The following ASH2L variants were observed in gnomAD, a reference collection of about 807,000 sequenced individuals.
The protein encoded by ASH2L is ASH2 like, histone lysine methyltransferase complex subunit, also known as set1/Ash2 histone methyltransferase complex subunit ASH2.
A neutral mutation model predicts 81.1 loss-of-function variants in ASH2L; 30 were observed. The ratio of observed to expected loss-of-function variants is 0.37; its 90% CI spans 0.28 to 0.50. The LOEUF (loss-of-function observed/expected upper bound fraction) is 0.50, where lower values mean the gene tolerates loss of function less well. Ranked by LOEUF, ASH2L falls within the 20% of genes least tolerant of loss-of-function variation. The pLI is 0.95. For synonymous variants in ASH2L, 273 were observed against 279.9 expected (o/e 0.98, Z 0.24); for missense variants, 559 against 792.1 (o/e 0.71, Z 3.53).
intron 14 of ASH2L, chr8:38,137,770 T>C (rs1396402874): frequency 6.6e-6 from 1 of 151,118 alleles, no homozygotes; most frequent in Non-Finnish European, 1.5e-5. Flanking sequence ...TCCATGTACT[T>C]TTAGTCTGTC....
intron 5 of ASH2L, 52 bp from the exon 6 acceptor site, chr8:38,114,140 C>T (rs76402374): frequency 0.014 from 14,775 of 1,084,558 alleles, 143 homozygotes; most frequent in South Asian, 0.029. Flanking sequence ...CTTTCTTTGT[C>T]AGCATATCTT....
At chr8:38,130,371 G>T (rs2130562373) in intron 12 of ASH2L, among the ~76,000 whole-genome samples, 1 of 148,916 alleles carries the variant, frequency 6.7e-6, no homozygotes, top group Non-Finnish European at 1.5e-5. Context: ...CTCCCAAAGT[G>T]CTAGGATTAC....
intron 10 of ASH2L, among the ~76,000 whole-genome samples, chr8:38,123,582 G>A (rs1363808533): frequency 6.6e-6 from 1 of 152,144 alleles, no homozygotes; most frequent in Non-Finnish European, 1.5e-5. Flanking sequence ...ATGCCATTTT[G>A]GATTCTCCCA....
Position 38,128,885 on chromosome 8 carries a change from A to G in ASH2L, c.1461A>G (p.Gly487=). 1.9e-6 allele frequency: 3 copies of G among 1,614,080 alleles called. No individual in the cohort carries two copies. The highest frequency in any genetic ancestry group is 2.5e-6 in the Non-Finnish European group (3 of 1,180,012). Reference sequence around the variant, plus strand: ...GCTATGGACAGGGAGACGTCCTGGGATTTTATATTAATCTTCCTGAAGACA... The same window carrying G: ...GCTATGGACAGGGAGACGTCCTGGGGTTTTATATTAATCTTCCTGAAGACA... The part of the protein sequence containing the change: ...SSGYGQGDVL[G]FYINLPEDTE... Residue 487 remains glycine (G), a synonymous_variant, in exon 12 of 16, where the codon GGA becomes GGG. Transcript: ENST00000343823.
intron 1 of ASH2L, 159 bp downstream of exon 1, chr8:38,105,897 A>G (rs1810404392): frequency 2.1e-6 from 3 of 1,457,758 alleles, no homozygotes; most frequent in Admixed American, 5.1e-5. Context: ...CCTCTCAAGC[A>G]TATCTCGGAT....
At chr8:38,113,511 G>A (rs546768719) in intron 5 of ASH2L, among the ~76,000 whole-genome samples, 44 of 152,226 alleles carry the variant, frequency 2.9e-4, no homozygotes, top group African/African-American at 1.0e-3. Flanking sequence ...CTAAATAGGA[G>A]GCCAGAAGAT....
At chr8:38,112,730 G>A (rs1230730248) in intron 5 of ASH2L, among the ~76,000 whole-genome samples, 3 of 152,154 alleles carry the variant, frequency 2.0e-5, no homozygotes, top group African/African-American at 7.2e-5. Context: ...TAATCCTTAA[G>A]CCATACATGG....
chr8:38,124,077 G>T (rs1801736531), intron 10 of ASH2L: 1 of 152,186 alleles, frequency 6.6e-6, no homozygotes, highest in Non-Finnish European at 1.5e-5. Flanking sequence ...CTGAGCTCAG[G>T]TGATCTGCCC....
At chr8:38,128,551 G>C in intron 11 of ASH2L, 93 bp downstream of exon 11, 1 of 1,516,550 alleles carries the variant, frequency 6.6e-7, no homozygotes, top group Non-Finnish European at 8.8e-7. Context: ...GGGTTTACCA[G>C]ATTGTGGGCA....
chr8:38,133,055 C>G (rs1802121381), intron 12 of ASH2L, among the ~76,000 whole-genome samples: 2 of 151,616 alleles, frequency 1.3e-5, no homozygotes, highest in Admixed American at 6.6e-5. Context: ...CCATTGCACT[C>G]CAGCCTGGGC....
Position 38,107,896 on chromosome 8 carries a change from GTGTGTGTGTA to G in ASH2L, c.401+732_401+741del, listed in dbSNP as rs1383416362. 1.0e-3 allele frequency among the ~76,000 whole-genome samples: 147 copies of G among 146,572 alleles called. 1 individual carries two copies. Among genetic ancestry groups the G allele is most frequent in the African/African-American group, 3.4e-3 (128 of 37,540 alleles). On this transcript the variant is annotated intron_variant, in intron 3 of 15. Coordinates refer to ENST00000343823, the MANE Select transcript of ASH2L (RefSeq NM_004674.5). ...TGTGTGTGTGTGTGTGTGTGTGTGT[GTGTGTGTGTA>G]TATGTATATATATATACATATATAT...
At chr8:38,120,618 T>TCCCCCCCCCCCCCCCCCCCCC (rs33928804) in intron 9 of ASH2L, among the ~76,000 whole-genome samples, 1 of 4,582 alleles carries the variant, frequency 2.2e-4, no homozygotes, top group Non-Finnish European at 1.7e-3. Context: ...TCTCCTCCCT[T>TCCCCCCCCCCCCCCCCCCCCC]CCCCCCCCCC....
At chr8:38,106,942 C>T (rs1810460250) in intron 2 of ASH2L, 79 bp from the exon 3 acceptor site, 1 of 1,538,508 alleles carries the variant, frequency 6.5e-7, no homozygotes, top group African/African-American at 1.4e-5. Context: ...CATAGGGAGA[C>T]CCCCGTCTCT....
chr8:38,107,404 A>G (rs557519985), intron 3 of ASH2L, among the ~76,000 whole-genome samples: 23 of 152,216 alleles, frequency 1.5e-4, no homozygotes, highest in Non-Finnish European at 2.6e-4. Context: ...TGAGTTGACA[A>G]CCTGGTTTGG....
chr8:38,112,737 A>T (rs950440348), intron 5 of ASH2L, among the ~76,000 whole-genome samples: 1 of 152,204 alleles, frequency 6.6e-6, no homozygotes, highest in Non-Finnish European at 1.5e-5. Context: ...TAAGCCATAC[A>T]TGGAGATTAT....
At chr8:38,137,024 T>C (rs1377993286) in intron 14 of ASH2L, among the ~76,000 whole-genome samples, 1 of 144,322 alleles carries the variant, frequency 6.9e-6, no homozygotes, top group Non-Finnish European at 1.5e-5. Flanking sequence ...ACCCGGGAGA[T>C]GGAGGCTGCA....
At chr8:38,136,878 G>A (rs1195286976) in intron 14 of ASH2L, among the ~76,000 whole-genome samples, 1 of 151,460 alleles carries the variant, frequency 6.6e-6, no homozygotes, top group Non-Finnish European at 1.5e-5. Flanking sequence ...GACCATTTGA[G>A]GTCAGGAGTT....
rs962742109 is a variant in ASH2L at position 38,110,670 on chromosome 8, T to C, written c.491-69T>C. On this transcript the variant is annotated intron_variant, in intron 4 of 15. Coordinates refer to ENST00000343823, the MANE Select transcript of ASH2L (RefSeq NM_004674.5). Reference sequence around the variant, plus strand: ...TAATTGTTATTTTCTGGACCACTTATCGAGTATTCCCTTGGTAGTAGAGAT... The same window carrying C: ...TAATTGTTATTTTCTGGACCACTTACCGAGTATTCCCTTGGTAGTAGAGAT... 4 of 1,339,998 alleles carry C rather than the reference T, an allele frequency of 3.0e-6. No individual in the cohort carries two copies. The African/African-American group carries it at 4.3e-5, about 14-fold the overall frequency. The allele number at this position is 1,339,998 out of a possible 1,614,324, so 83.0% of individuals were successfully genotyped here.
intron 3 of ASH2L, among the ~76,000 whole-genome samples, chr8:38,110,153 T>A (rs1236886375): frequency 6.6e-6 from 1 of 152,038 alleles, no homozygotes; most frequent in African/African-American, 2.4e-5. Flanking sequence ...CATAAAAAAA[T>A]ACGAAAATTA....
Sources: allele counts gnomAD v4.1 joint callset (sites outside exome capture counted in the v4.1 genomes callset), GRCh38; gene constraint gnomAD v4.1.1; transcripts MANE v1.5; gene names NCBI Gene and HGNC (gene_info 2026-07-23, HGNC 2026-07-21).